IHO1: variants seen among roughly 807,000 people sequenced by gnomAD.
IHO1 encodes the protein interactor of HORMAD1 protein 1.
IHO1 carries 13 observed loss-of-function variants against 31.0 expected under a neutral mutation model. The observed-to-expected ratio is 0.42, with a 90% CI of 0.27 to 0.67. The LOEUF (loss-of-function observed/expected upper bound fraction) is 0.67. Ranked by LOEUF, IHO1 falls within the 30% of genes least tolerant of loss-of-function variation. IHO1 has a pLI of 0.24. For synonymous variants in IHO1, 221 were observed against 248.4 expected (o/e 0.89, Z 1.04); for missense variants, 599 against 687.5 (o/e 0.87, Z 1.44).
chr3:49,194,331 G>C (rs2107671080), upstream of IHO1, among the ~76,000 whole-genome samples: 1 of 139,822 alleles, frequency 7.2e-6, no homozygotes, highest in Admixed American at 7.1e-5. Context: ...TGAGACGGAG[G>C]CTTGCTCTGT....
chr3:49,226,701 G>A (rs541456665), intron 2 of IHO1, among the ~76,000 whole-genome samples: 11 of 152,190 alleles, frequency 7.2e-5, no homozygotes, highest in African/African-American at 1.9e-4. Flanking sequence ...AGCTAAAGCC[G>A]CATTCTTTTC....
upstream of IHO1, among the ~76,000 whole-genome samples, chr3:49,194,019 C>CA (rs1439966041): frequency 2.0e-5 from 3 of 150,174 alleles, no homozygotes; most frequent in Non-Finnish European, 4.4e-5. Flanking sequence ...TCTGTAGCCC[C>CA]AGCACTTTGG....
Position 49,256,434 on chromosome 3 carries a change from C to G in IHO1, c.937C>G (p.Leu313Val). ...PAAWNPGMGSLQPGEFDVWGE... is the reference protein window; with the variant it reads ...PAAWNPGMGSVQPGEFDVWGE... ...TGCATGGAATCCTGGTATGGGCTCC[C>G]TACAGCCTGGAGAATTTGATGTCTG... Residue 313 changes from leucine (L) to valine (V), a missense_variant, in exon 8 of 8, where the codon CTA (leucine) becomes GTA (valine). Coordinates refer to ENST00000452691, the MANE Select transcript of IHO1 (RefSeq NM_001135197.2). The surrounding 1 kb of genome is among the most constrained non-coding windows in gnomAD (Gnocchi z 4.6). 1 of 1,614,134 alleles carries G rather than the reference C, an allele frequency of 6.2e-7. No homozygotes were observed. Among genetic ancestry groups the G allele is most frequent in the African/African-American group, 1.3e-5 (1 of 75,008 alleles).
At chr3:49,209,221 G>T (rs2046177774) in intron 1 of IHO1, among the ~76,000 whole-genome samples, 1 of 152,184 alleles carries the variant, frequency 6.6e-6, no homozygotes, top group African/African-American at 2.4e-5. Context: ...GGGGGAGTTT[G>T]GTCATGTAGA....
chr3:49,255,558 C>CAT, intron 7 of IHO1, 65 bp downstream of exon 7: 1 of 354,442 alleles, frequency 2.8e-6, no homozygotes, highest in Non-Finnish European at 4.5e-6. Context: ...CAGAGAGAAA[C>CAT]TTTTTTTTTT....
chr3:49,196,787 C>T (rs576441227), upstream of IHO1, among the ~76,000 whole-genome samples: 4 of 151,808 alleles, frequency 2.6e-5, no homozygotes, highest in African/African-American at 9.7e-5. Flanking sequence ...TCTCCTGCCT[C>T]AGCCTCCCAA....
intron 6 of IHO1, among the ~76,000 whole-genome samples, chr3:49,251,146 A>G (rs1029508658): frequency 7.2e-5 from 11 of 151,760 alleles, no homozygotes; most frequent in African/African-American, 2.4e-4. Flanking sequence ...TTTGAGACAG[A>G]GTCTCTCTCT....
At chr3:49,217,667 A>G (rs1271166739) in intron 2 of IHO1, among the ~76,000 whole-genome samples, 2 of 152,040 alleles carry the variant, frequency 1.3e-5, no homozygotes, top group African/African-American at 4.8e-5. Context: ...AGAAAAAATT[A>G]TACAGCTCAC....
chr3:49,257,377 T>A lies in IHO1; in HGVS notation c.*95T>A, dbSNP rs985854481. ...CAGAAAGTCCCTGAAGCCTGCCAAG[T>A]ACCCAGGGTCAGAGGCCCTGCTGAG... On this transcript the variant is annotated 3_prime_UTR_variant, in exon 8 of 8. Coordinates refer to ENST00000452691, the MANE Select transcript of IHO1 (RefSeq NM_001135197.2). 26 of 1,274,644 alleles carry A rather than the reference T, an allele frequency of 2.0e-5. No individual in the cohort carries two copies. The African/African-American group carries it at 3.6e-4, about 17-fold the overall frequency. The allele number at this position is 1,274,644 out of a possible 1,614,324, so 79.0% of individuals were successfully genotyped here. A position where few individuals can be genotyped will look rare whatever the true frequency, so the allele number is the denominator to read the frequency against.
At chr3:49,200,515 G>GAAAGAAAC in intron 1 of IHO1, 1 of 919,262 alleles carries the variant, frequency 1.1e-6, no homozygotes, top group Non-Finnish European at 1.3e-6. Flanking sequence ...AAGAAAGAAA[G>GAAAGAAAC]AAAAGAAAAA....
At chr3:49,244,289 G>A (rs555159758) in intron 4 of IHO1, 115 bp from the exon 5 acceptor site, 4 of 704,048 alleles carry the variant, frequency 5.7e-6, no homozygotes, top group South Asian at 5.0e-5. Flanking sequence ...ATCTAATCAA[G>A]CAATGTTTTG....
intron 3 of IHO1, among the ~76,000 whole-genome samples, chr3:49,237,520 A>G (rs563100828): frequency 8.3e-4 from 126 of 152,226 alleles, no homozygotes; most frequent in African/African-American, 2.8e-3. Context: ...TGAAATGGCA[A>G]CATTTATATT....
intron 2 of IHO1, among the ~76,000 whole-genome samples, chr3:49,212,755 G>C (rs1007297856): frequency 4.6e-5 from 7 of 152,146 alleles, no homozygotes; most frequent in African/African-American, 9.7e-5. Context: ...TGAAGCTGCA[G>C]ACCTTTGCGG....
At chr3:49,215,099 G>A (rs2046272137) in intron 2 of IHO1, among the ~76,000 whole-genome samples, 2 of 150,572 alleles carry the variant, frequency 1.3e-5, no homozygotes, top group African/African-American at 4.9e-5. Context: ...TGCCCAGGCT[G>A]GAGTTTAGTG....
Position 49,256,417 on chromosome 3 carries a change from A to C in IHO1, c.920A>C (p.Asn307Thr). ...WQAQALPAAW[N>T]PGMGSLQPGE... is the part of the protein sequence containing the mutation. ...GCCCAGGCCCTCCCTGCTGCATGGA[A>C]TCCTGGTATGGGCTCCCTACAGCCT... The change falls in exon 8 of 8, where the codon AAT becomes ACT. Residue 307 changes from asparagine (N) to threonine (T), a missense_variant. Asn to Thr is a moderately conservative substitution (Grantham distance 65). Transcript: ENST00000452691. This position sits in a 1 kb window ranked among gnomAD's most constrained non-coding sequence, Gnocchi z 4.6. The C allele has an allele frequency of 6.2e-7, 1 of 1,614,150 alleles. No individual in the cohort carries two copies. The highest frequency in any genetic ancestry group is 1.3e-5 in the African/African-American group (1 of 75,042).
chr3:49,230,197 C>T (rs2046464911), intron 2 of IHO1, among the ~76,000 whole-genome samples: 1 of 152,124 alleles, frequency 6.6e-6, no homozygotes, highest in Non-Finnish European at 1.5e-5. Flanking sequence ...AAAAAGGACA[C>T]ATAGCTCCAA....
intron 6 of IHO1, 117 bp downstream of exon 6, chr3:49,244,850 G>A (rs1278413621): frequency 2.3e-6 from 2 of 882,432 alleles, no homozygotes; most frequent in East Asian, 4.9e-5. Flanking sequence ...CAGATGAGAG[G>A]ATGGGTATAT....
intron 2 of IHO1, among the ~76,000 whole-genome samples, chr3:49,228,076 C>T (rs1040832491): frequency 6.6e-6 from 1 of 152,052 alleles, no homozygotes; most frequent in African/African-American, 2.4e-5. Flanking sequence ...GGACTAGCCT[C>T]GGAGAAGAGA....
chr3:49,250,718 A>G (rs1439152118), intron 6 of IHO1, among the ~76,000 whole-genome samples: 1 of 152,126 alleles, frequency 6.6e-6, no homozygotes, highest in African/African-American at 2.4e-5. Context: ...GGTGAGAAAT[A>G]TGGGAAAATT....
Sources: gnomAD v4.1 joint callset for allele counts (sites outside exome capture counted in the v4.1 genomes callset) on GRCh38, gnomAD v4.1.1 for gene constraint, Gnocchi (gnomAD v3.1) non-coding constraint, MANE v1.5 for transcripts, NCBI Gene and HGNC (gene_info 2026-07-23, HGNC 2026-07-21) for gene names.